Variants in BTBD7 observed in about 807,000 individuals in gnomAD.
BTBD7 encodes the protein BTB domain containing 7, also known as BTB/POZ domain-containing protein 7.
A neutral mutation model predicts 99.9 loss-of-function variants in BTBD7; 38 were observed. That is an observed-to-expected ratio of 0.38 (90% confidence interval 0.29 to 0.50). BTBD7 has a LOEUF of 0.50. Ranked by LOEUF, BTBD7 falls within the 20% of genes least tolerant of loss-of-function variation. The probability of loss-of-function intolerance (pLI) is 0.93; values close to 1 mark genes in which losing one functional copy is unlikely to be tolerated. For synonymous variants in BTBD7, 520 were observed against 511.4 expected, an observed-to-expected ratio of 1.02 and a Z score of -0.23; for missense variants, 1,170 against 1,394.6, an observed-to-expected ratio of 0.84 and a Z score of 2.57.
chr14:93,307,465 C>T (rs904006072), intron 1 of BTBD7, among the ~76,000 whole-genome samples: 5 of 152,158 alleles, frequency 3.3e-5, no homozygotes, highest in African/African-American at 1.2e-4. Context: ...CGTGACTTTA[C>T]TTTCTAGAGC....
At chr14:93,270,140 G>C (rs951768566) in intron 3 of BTBD7, among the ~76,000 whole-genome samples, 3 of 152,130 alleles carry the variant, frequency 2.0e-5, no homozygotes, top group African/African-American at 7.2e-5. Context: ...CTTGTTGCCA[G>C]ACTGGAGTGC....
intron 1 of BTBD7, among the ~76,000 whole-genome samples, chr14:93,325,744 C>CTATTA (rs58470296): frequency 0.38 from 58,226 of 151,582 alleles, 12,319 homozygotes; most frequent in African/African-American, 0.58. Flanking sequence ...GTCTGGTGTT[C>CTATTA]TATCACAACT....
At chr14:93,326,539 C>T (rs547408643) in intron 1 of BTBD7, among the ~76,000 whole-genome samples, 3 of 152,286 alleles carry the variant, frequency 2.0e-5, no homozygotes, top group Admixed American at 6.5e-5. Context: ...TGGTAGCTCA[C>T]GCCTATAATC....
chr14:93,270,502 A>G (rs375809092), intron 3 of BTBD7, among the ~76,000 whole-genome samples: 2 of 151,894 alleles, frequency 1.3e-5, no homozygotes, highest in South Asian at 2.1e-4. Context: ...AGACAAGCCT[A>G]GCCAACATGG....
At chr14:93,308,244 A>G (rs2053093949) in intron 1 of BTBD7, among the ~76,000 whole-genome samples, 1 of 149,598 alleles carries the variant, frequency 6.7e-6, no homozygotes, top group African/African-American at 2.5e-5. Context: ...CTGAGATCGC[A>G]CCACTGCACT....
intron 1 of BTBD7, among the ~76,000 whole-genome samples, chr14:93,329,362 C>A (rs2896236): frequency 0.38 from 58,080 of 151,390 alleles, 12,275 homozygotes; most frequent in African/African-American, 0.58. Context: ...GAAAAAAAAA[C>A]CCAAACAGCA....
At chr14:93,332,526 G>A (rs2053452565) in intron 1 of BTBD7, among the ~76,000 whole-genome samples, 1 of 151,674 alleles carries the variant, frequency 6.6e-6, no homozygotes, top group South Asian at 2.1e-4. Flanking sequence ...GACTCCCTCG[G>A]GCCGCTCTCC....
intron 1 of BTBD7, among the ~76,000 whole-genome samples, chr14:93,319,553 C>T (rs1006765682): frequency 2.6e-5 from 4 of 152,096 alleles, no homozygotes; most frequent in African/African-American, 7.2e-5. Flanking sequence ...TATATGAGGT[C>T]TTTATCTAGG....
rs1001792930 is a variant in BTBD7, at chr14:93,317,489, C to T, written c.-107+15331G>A. On this transcript the variant is annotated intron_variant, in intron 1 of 10. Transcript: ENST00000334746. ...TCCCAAGTAGCTGAGACTACAGAGG[C>T]ACACACTACCACACCCAGCTAATCT... 2.6e-5 allele frequency among the ~76,000 whole-genome samples: 4 copies of T among 151,956 alleles called. No individual in the cohort carries two copies. In the South Asian group the frequency reaches 8.3e-4, roughly 32 times the overall value.
Position 93,295,866 on chromosome 14 carries a change from T to C in BTBD7, c.82+104A>G, listed in dbSNP as rs1384417999. On this transcript the variant is annotated intron_variant, in intron 2 of 10. Transcript: ENST00000334746. ...AAAAACCTAGATGCTGCAGAATTAT[T>C]ATAATAACTACAGCTCACTTCTTTT... is the stretch of plus-strand genomic sequence containing the variant. 8.7e-6 allele frequency: 9 copies of C among 1,030,152 alleles called. No individual in the cohort carries two copies. In the South Asian group the frequency reaches 9.8e-5, roughly 11 times the overall value. The allele number at this position is 1,030,152 out of a possible 1,614,324, so 63.8% of individuals were successfully genotyped here.
intron 1 of BTBD7, among the ~76,000 whole-genome samples, chr14:93,304,079 G>C (rs2053039201): frequency 6.6e-6 from 1 of 152,334 alleles, no homozygotes; most frequent in East Asian, 1.9e-4. Flanking sequence ...TATAAGCAGA[G>C]GGTGAAAAAT....
chr14:93,315,573 T>C (rs1350239210), intron 1 of BTBD7, among the ~76,000 whole-genome samples: 1 of 152,196 alleles, frequency 6.6e-6, no homozygotes. Flanking sequence ...GTCACTCACC[T>C]CAATTCCCCA....
chr14:93,294,417 G>A lies in BTBD7; in HGVS notation c.603C>T (p.Tyr201=), dbSNP rs2052898293. 2.5e-6 allele frequency: 4 copies of A among 1,613,960 alleles called. No homozygotes were observed. The South Asian group carries it at 4.4e-5, about 18-fold the overall frequency. Residue 201 remains tyrosine (Y), a synonymous_variant, in exon 3 of 11, where the codon TAC becomes TAT. Coordinates refer to ENST00000334746, the MANE Select transcript of BTBD7 (RefSeq NM_001002860.4). ...DMPMFSALLH[Y]LYTGEFGMED... is the part of the protein sequence containing the mutation. ...CCATTCCAAACTCTCCTGTATAAAG[G>A]TAGTGTAACAAAGCAGAAAACATGG...
rs2052492223 is a variant in BTBD7, at chr14:93,261,803, G to A, written c.1372-126C>T. On this transcript the variant is annotated intron_variant, in intron 4 of 10. Coordinates refer to ENST00000334746, the MANE Select transcript of BTBD7 (RefSeq NM_001002860.4). The stretch of plus-strand genomic sequence containing the variant: ...CCATGTTTCACTCTTTCCATTGGCT[G>A]TTTGAAGTTTTAGTGTTAAATCTGT... 5.9e-6 allele frequency: 4 copies of A among 679,884 alleles called. No individual in the cohort carries two copies. In the South Asian group the frequency reaches 7.5e-5, roughly 13 times the overall value. 42.1% of individuals were successfully genotyped at this position (679,884 alleles called of 1,614,324 possible).
At chr14:93,321,650 G>C (rs575086159) in intron 1 of BTBD7, among the ~76,000 whole-genome samples, 1 of 152,294 alleles carries the variant, frequency 6.6e-6, no homozygotes, top group South Asian at 2.1e-4. Context: ...CTGTTGAACA[G>C]GCAATTACAA....
At chr14:93,279,069 C>T (rs2052689034) in intron 3 of BTBD7, among the ~76,000 whole-genome samples, 1 of 152,184 alleles carries the variant, frequency 6.6e-6, no homozygotes, top group South Asian at 2.1e-4. Flanking sequence ...AATGTATGTA[C>T]TTTTAAGACC....
rs914102109 is a variant in BTBD7, at chr14:93,332,997, A to C, written c.-284T>G. ...GTGGCTCAGGCTCCGGGACTGCTCC[A>C]GGTTCCCCTCGCCGCCATTTTGACT... On this transcript the variant is annotated 5_prime_UTR_variant, in exon 1 of 11. Transcript: ENST00000334746. 7.3e-6 allele frequency: 4 copies of C among 549,422 alleles called. No individual in the cohort carries two copies. In the South Asian group the frequency reaches 7.9e-5, roughly 11 times the overall value. The allele number at this position is 549,422 out of a possible 1,614,324, so 34.0% of individuals were successfully genotyped here.
rs1269783952 is a variant in BTBD7, at chr14:93,294,888, A to G, written c.132T>C (p.Tyr44=). ...QQGYGCESKL[Y]SLDHGHEKPQ... is the part of the protein sequence containing the mutation. ...GTTTCTCATGGCCATGGTCAAGGCT[A>G]TACAACTTTGATTCGCAACCATAGC... The change falls in exon 3 of 11, where the codon TAT becomes TAC. Residue 44 remains tyrosine, a synonymous_variant. Transcript: ENST00000334746. 6.2e-7 allele frequency: 1 copy of G among 1,608,260 alleles called. No individual in the cohort carries two copies. The highest frequency in any genetic ancestry group is 1.1e-5 in the South Asian group (1 of 89,514).
chr14:93,309,241 C>T (rs149217693), intron 1 of BTBD7, among the ~76,000 whole-genome samples: 1 of 152,182 alleles, frequency 6.6e-6, no homozygotes, highest in Non-Finnish European at 1.5e-5. Flanking sequence ...GGCATATTCT[C>T]TATTCTCCAA....
Sources: gnomAD v4.1 joint callset for allele counts (sites outside exome capture counted in the v4.1 genomes callset) on GRCh38, gnomAD v4.1.1 for gene constraint, MANE v1.5 for transcripts, NCBI Gene and HGNC (gene_info 2026-07-23, HGNC 2026-07-21) for gene names.